The following THAP6 variants were observed in gnomAD, a reference collection of about 807,000 sequenced individuals.
The protein encoded by THAP6 is THAP domain-containing protein 6.
Under a neutral mutation model 20.0 loss-of-function variants are expected in THAP6, and 13 were observed. That is an observed-to-expected ratio of 0.65 (90% CI 0.42 to 1.03). The LOEUF is 1.03. Among genes scored for constraint, THAP6 ranks in the 50% least tolerant of loss-of-function variants. The probability of loss-of-function intolerance (pLI) is 0.00; values close to 1 mark genes in which losing one functional copy is unlikely to be tolerated. For missense variants in THAP6, 262 were observed against 261.6 expected (o/e 1.00, Z -0.01); for synonymous variants, 93 against 92.2 (o/e 1.01, Z -0.05).
At position 75,515,570 on chromosome 4, in the gene THAP6, A is replaced by G. The variant is rs139674856; in HGVS notation, c.80+38A>G. The G allele has an allele frequency of 8.3e-5, 132 of 1,593,450 alleles. 2 individuals carry two copies. The African/African-American group carries it at 1.2e-3, about 15-fold the overall frequency. On this transcript the variant is annotated intron_variant, in intron 2 of 4. Transcript: ENST00000311638. ...TGTAGTTAAGCCAAATACTTTGGCCATGTTATAAAAAGCAAAAGACAGTTC... is the reference window on the plus strand; with the variant it reads ...TGTAGTTAAGCCAAATACTTTGGCCGTGTTATAAAAAGCAAAAGACAGTTC...
At chr4:75,542,291 C>G in intron 2 of THAP6, 3 of 606,248 alleles carry the variant, frequency 4.9e-6, no homozygotes, top group Non-Finnish European at 8.9e-6. Context: ...GACCCAATAC[C>G]TCAGAAAACT....
At chr4:75,521,605 T>G in intron 3 of THAP6, 131 bp from the exon 4 acceptor site, 1 of 1,001,284 alleles carries the variant, frequency 1.0e-6, no homozygotes, top group Non-Finnish European at 1.4e-6. Context: ...TGGAATTTGC[T>G]GACTTTTAAA....
At chr4:75,543,830 C>T (rs1485845620) in intron 3 of THAP6, among the ~76,000 whole-genome samples, 2 of 152,144 alleles carry the variant, frequency 1.3e-5, no homozygotes, top group Non-Finnish European at 2.9e-5. Context: ...GTTAGTAAAT[C>T]GCTTCGTGTA....
intron 4 of THAP6, among the ~76,000 whole-genome samples, chr4:75,523,123 T>A (rs1476954502): frequency 1.3e-5 from 2 of 152,222 alleles, no homozygotes; most frequent in Admixed American, 1.3e-4. Flanking sequence ...TTGCCTGTTT[T>A]AGGTATAAAA....
chr4:75,524,629 G>A (rs1023952877), intron 4 of THAP6, among the ~76,000 whole-genome samples: 6 of 152,190 alleles, frequency 3.9e-5, no homozygotes, highest in African/African-American at 1.4e-4. Flanking sequence ...TTAAGACGTT[G>A]CCCTGCTGTA....
chr4:75,518,973 A>G (rs13103482), intron 3 of THAP6, among the ~76,000 whole-genome samples: 61,094 of 151,988 alleles, frequency 0.4, 12,495 homozygotes, highest in East Asian at 0.48. Context: ...GTACAAATCA[A>G]TGAGTTTTCA....
At chr4:75,539,060 A>C (rs954910411) in intron 2 of THAP6, among the ~76,000 whole-genome samples, 5 of 152,164 alleles carry the variant, frequency 3.3e-5, no homozygotes, top group Admixed American at 1.3e-4. Context: ...AACAACATAG[A>C]TTCACTTCCT....
At chr4:75,544,079 G>T (rs942350617) in intron 3 of THAP6, among the ~76,000 whole-genome samples, 1 of 152,110 alleles carries the variant, frequency 6.6e-6, no homozygotes, top group Admixed American at 6.5e-5. Flanking sequence ...TATATAGGGT[G>T]ATTTTTTGAA....
chr4:75,535,603 C>T, intron 2 of THAP6, among the ~76,000 whole-genome samples: 1 of 152,236 alleles, frequency 6.6e-6, no homozygotes, highest in East Asian at 1.9e-4. Flanking sequence ...AGTAAAACTG[C>T]TCTAGCAGGT....
Position 75,528,420 on chromosome 4 carries a change from T to G in THAP6, c.*1206T>G. On this transcript the variant is annotated 3_prime_UTR_variant, in exon 5 of 5. Coordinates refer to ENST00000311638, the MANE Select transcript of THAP6 (RefSeq NM_144721.6). ...GCAACACTCTACTTAGAAGCACATG[T>G]ACATACATGGACCTCATTCAGAAGT... The G allele has an allele frequency of 1.0e-6, 1 of 985,382 alleles. No individual in the cohort carries two copies. Among genetic ancestry groups the G allele is most frequent in the Non-Finnish European group, 1.2e-6 (1 of 829,864 alleles). The allele number at this position is 985,382 out of a possible 1,614,324, so 61.0% of individuals were successfully genotyped here. A position where few individuals can be genotyped will look rare whatever the true frequency, so the allele number is the denominator to read the frequency against.
In THAP6 at chr4:75,523,345, T is replaced by C. The variant is rs190762151; in HGVS notation, c.414+1484T>C. ...TTTTGAGCCCCTTATATATTCTGGT[T>C]ATCAATCCCTTGTCAGATGGATAGT... On this transcript the variant is annotated intron_variant, in intron 4 of 4. Transcript: ENST00000311638. Among the ~76,000 whole-genome samples the C allele has an allele frequency of 2.6e-4, 39 of 152,348 alleles. 1 individual carries two copies. The highest frequency in any genetic ancestry group is 2.3e-3 in the Admixed American group (35 of 15,304).
At chr4:75,514,172 G>C (rs377277339), upstream of THAP6, 9 of 1,595,226 alleles carry the variant, frequency 5.6e-6, no homozygotes, top group Non-Finnish European at 7.7e-6. Context: ...AAGCTTGTCA[G>C]GGAAGAGTCC....
chr4:75,528,627 T>C lies in THAP6; in HGVS notation c.*1413T>C, dbSNP rs1370550433. ...TCTGTTTTAATGCATGTTATACTTT[T>C]ATGTAGGATTCCAAACCTTCCCTCT... is the stretch of plus-strand genomic sequence containing the variant. On this transcript the variant is annotated 3_prime_UTR_variant, in exon 5 of 5. Transcript: ENST00000311638. 9 of 984,958 alleles carry C rather than the reference T, an allele frequency of 9.1e-6. No homozygotes were observed. The highest frequency in any genetic ancestry group is 1.1e-5 in the Non-Finnish European group (9 of 829,604). 61.0% of individuals were successfully genotyped at this position (984,958 alleles called of 1,614,324 possible).
intron 3 of THAP6, chr4:75,543,013 T>TA (rs1197129071): frequency 6.5e-6 from 1 of 152,798 alleles, no homozygotes; most frequent in Non-Finnish European, 1.5e-5. Flanking sequence ...CCTTACCACA[T>TA]ACACAGGCAA....
chr4:75,516,695 G>A (rs1245623168), intron 2 of THAP6, 77 bp from the exon 3 acceptor site: 1 of 1,243,118 alleles, frequency 8.0e-7, no homozygotes, highest in African/African-American at 1.5e-5. Context: ...TTTAGTCACA[G>A]TTGTATAAGG....
Position 75,528,398 on chromosome 4 carries a change from A to G in THAP6, c.*1184A>G, listed in dbSNP as rs1003706784. On this transcript the variant is annotated 3_prime_UTR_variant, in exon 5 of 5. Coordinates refer to ENST00000311638, the MANE Select transcript of THAP6 (RefSeq NM_144721.6). The stretch of plus-strand genomic sequence containing the variant: ...AGAATAAAAACCATTTGCCAAAGCA[A>G]CACTCTACTTAGAAGCACATGTACA... The G allele has an allele frequency of 1.0e-6, 1 of 985,334 alleles. No individual in the cohort carries two copies. Among genetic ancestry groups the G allele is most frequent in the East Asian group, 1.1e-4 (1 of 8,826 alleles). The allele number at this position is 985,334 out of a possible 1,614,324, so 61.0% of individuals were successfully genotyped here.
chr4:75,514,191 C>T (rs1725289717), upstream of THAP6: 38 of 1,607,258 alleles, frequency 2.4e-5, no homozygotes, highest in Non-Finnish European at 3.2e-5. Flanking sequence ...CCATAGAAGG[C>T]GTCACCTTTA....
intron 2 of THAP6, among the ~76,000 whole-genome samples, chr4:75,538,451 G>A (rs552461649): frequency 1.7e-4 from 25 of 151,160 alleles, no homozygotes; most frequent in African/African-American, 5.8e-4. Context: ...GCTTGTGCCT[G>A]AGAAGATAAA....
intron 2 of THAP6, among the ~76,000 whole-genome samples, chr4:75,535,490 A>T (rs79789584): frequency 0.036 from 5,469 of 151,918 alleles, 347 homozygotes; most frequent in African/African-American, 0.13. Context: ...ATCTTTTTGA[A>T]CTCCCTAGCA....
Sources: allele counts gnomAD v4.1 joint callset (sites outside exome capture counted in the v4.1 genomes callset), GRCh38; gene constraint gnomAD v4.1.1; transcripts MANE v1.5; gene names NCBI Gene and HGNC (gene_info 2026-07-23, HGNC 2026-07-21).